Variants in CNTLN observed in about 807,000 individuals in gnomAD.
CNTLN encodes the protein centlein, also known as centlein, centrosomal protein.
Under a neutral mutation model 180.0 loss-of-function variants are expected in CNTLN, and 212 were observed. The observed-to-expected ratio is 1.18, with a 90% CI of 1.05 to 1.32. CNTLN has a LOEUF of 1.32. CNTLN is among the 40% of genes most tolerant of loss of function. The pLI, the probability that CNTLN is intolerant of heterozygous loss-of-function variation, is 0.00. For missense variants in CNTLN, 2,095 were observed against 1,610.9 expected (o/e 1.30, Z -5.14); for synonymous variants, 722 against 563.1 (o/e 1.28, Z -3.99).
At chr9:17,436,436 G>A (rs1441547170) in intron 18 of CNTLN, among the ~76,000 whole-genome samples, 2 of 152,128 alleles carry the variant, frequency 1.3e-5, no homozygotes. Context: ...GTTTAATCAA[G>A]CCTCAAATAA....
At chr9:17,136,595 C>T (rs955073285) in intron 1 of CNTLN, among the ~76,000 whole-genome samples, 6 of 152,214 alleles carry the variant, frequency 3.9e-5, no homozygotes, top group Non-Finnish European at 7.3e-5. Flanking sequence ...TTCCAAAGTG[C>T]TGGGATTACA....
chr9:17,413,652 C>T (rs926582244), intron 16 of CNTLN, among the ~76,000 whole-genome samples: 15 of 152,036 alleles, frequency 9.9e-5, no homozygotes, highest in Non-Finnish European at 7.4e-5. Flanking sequence ...GGCAAATAAG[C>T]ACATATAAAG....
At chr9:17,267,868 G>C (rs1827605444) in intron 5 of CNTLN, among the ~76,000 whole-genome samples, 2 of 152,096 alleles carry the variant, frequency 1.3e-5, no homozygotes, top group Non-Finnish European at 2.9e-5. Flanking sequence ...TAGCTCTTGT[G>C]CCTTGGTTTT....
intron 12 of CNTLN, among the ~76,000 whole-genome samples, chr9:17,356,288 A>G (rs1290940708): frequency 6.6e-6 from 1 of 152,208 alleles, no homozygotes; most frequent in South Asian, 2.1e-4. Context: ...AATCAAGCAC[A>G]AGAAACTCAT....
At chr9:17,144,817 AT>A (rs1320649144) in intron 2 of CNTLN, among the ~76,000 whole-genome samples, 5 of 148,674 alleles carry the variant, frequency 3.4e-5, no homozygotes, top group Admixed American at 2.0e-4. Context: ...TTATTTATTT[AT>A]TTTATTTTAT....
rs142650211 is a variant in CNTLN at position 17,307,190 on chromosome 9, T to G, written c.1147-1868T>G. Among the ~76,000 whole-genome samples, 996 of 152,344 alleles carry G rather than the reference T, an allele frequency of 6.5e-3. 4 individuals are homozygous for G. The highest frequency in any genetic ancestry group is 0.018 in the East Asian group (94 of 5,188). ...TTTTTATAAATCATATAGGCAATACTTTCTTTTAAAAGATTGCCTAGACTT... is the reference window on the plus strand; with the variant it reads ...TTTTTATAAATCATATAGGCAATACGTTCTTTTAAAAGATTGCCTAGACTT... On this transcript the variant is annotated intron_variant, in intron 7 of 25. Coordinates refer to ENST00000380647, the MANE Select transcript of CNTLN (RefSeq NM_017738.4).
intron 7 of CNTLN, chr9:17,301,097 A>T (rs1202617828): frequency 3.6e-5 from 35 of 985,320 alleles, no homozygotes; most frequent in Non-Finnish European, 4.1e-5. Flanking sequence ...TGATGGTGTC[A>T]TACCAGTAAT....
intron 5 of CNTLN, among the ~76,000 whole-genome samples, chr9:17,241,623 A>G (rs1190104704): frequency 7.0e-6 from 1 of 142,652 alleles, no homozygotes; most frequent in Non-Finnish European, 1.5e-5. Flanking sequence ...ATTGCATAGA[A>G]TCTGTAATGG....
At chr9:17,494,690 G>T (rs1833352203) in intron 25 of CNTLN, among the ~76,000 whole-genome samples, 1 of 152,036 alleles carries the variant, frequency 6.6e-6, no homozygotes, top group Non-Finnish European at 1.5e-5. Context: ...TTATCCACAA[G>T]TGACACTGTA....
intron 16 of CNTLN, among the ~76,000 whole-genome samples, chr9:17,411,923 T>G (rs1827876190): frequency 6.6e-6 from 1 of 152,148 alleles, no homozygotes; most frequent in Admixed American, 6.5e-5. Context: ...TCCACCTCCA[T>G]TCAGCATTGA....
At chr9:17,396,523 ATT>A (rs1554710635) in intron 15 of CNTLN, among the ~76,000 whole-genome samples, 1 of 151,992 alleles carries the variant, frequency 6.6e-6, no homozygotes, top group Non-Finnish European at 1.5e-5. Flanking sequence ...CTAGTTTTTT[ATT>A]TTGTTTTGTT....
At chr9:17,349,599 A>C (rs1822194466) in intron 12 of CNTLN, among the ~76,000 whole-genome samples, 1 of 152,300 alleles carries the variant, frequency 6.6e-6, no homozygotes, top group African/African-American at 2.4e-5. Context: ...TCTACCATTG[A>C]GTATGGTCGG....
rs567172713 is a variant in CNTLN at position 17,224,612 on chromosome 9, C to G, written c.450-1591C>G. On this transcript the variant is annotated intron_variant, in intron 2 of 25. Transcript: ENST00000380647. The stretch of plus-strand genomic sequence containing the variant: ...TATTACTATCCCTTATTTCACTAAT[C>G]TCTTTTTGTGTCTAGTTTTGAGCTT... 2.0e-5 allele frequency among the ~76,000 whole-genome samples: 3 copies of G among 152,020 alleles called. No homozygotes were observed. In the East Asian group the frequency reaches 5.8e-4, roughly 29 times the overall value.
intron 19 of CNTLN, among the ~76,000 whole-genome samples, chr9:17,462,655 A>C (rs1241061280): frequency 6.6e-6 from 1 of 151,672 alleles, no homozygotes; most frequent in East Asian, 1.9e-4. Context: ...ATTTCCTGTA[A>C]ATGTATTTTG....
chr9:17,312,697 C>T (rs1819282670), intron 8 of CNTLN, among the ~76,000 whole-genome samples: 1 of 151,874 alleles, frequency 6.6e-6, no homozygotes. Flanking sequence ...GCCACCACGC[C>T]AGCCTGTATT....
At chr9:17,156,649 G>A (rs1819312997) in intron 2 of CNTLN, among the ~76,000 whole-genome samples, 1 of 151,872 alleles carries the variant, frequency 6.6e-6, no homozygotes, top group African/African-American at 2.4e-5. Context: ...TGATATTTTG[G>A]CAAAAATAAT....
At chr9:17,310,035 A>T (rs771990567) in intron 8 of CNTLN, among the ~76,000 whole-genome samples, 65 of 152,264 alleles carry the variant, frequency 4.3e-4, no homozygotes, top group Non-Finnish European at 7.8e-4. Context: ...GACTTCAGGC[A>T]TACAATATTG....
At chr9:17,271,287 A>G (rs555190059) in intron 5 of CNTLN, among the ~76,000 whole-genome samples, 17 of 152,218 alleles carry the variant, frequency 1.1e-4, no homozygotes, top group African/African-American at 4.1e-4. Context: ...GGGGCGCACC[A>G]TAAATCATGC....
At chr9:17,175,916 A>T (rs549480267) in intron 2 of CNTLN, among the ~76,000 whole-genome samples, 53 of 152,202 alleles carry the variant, frequency 3.5e-4, no homozygotes, top group African/African-American at 1.3e-3. Flanking sequence ...CCGTGTTTGC[A>T]TTACTAATAT....
Sources: gnomAD v4.1 joint callset for allele counts (sites outside exome capture counted in the v4.1 genomes callset) on GRCh38, gnomAD v4.1.1 for gene constraint, MANE v1.5 for transcripts, NCBI Gene and HGNC (gene_info 2026-07-23, HGNC 2026-07-21) for gene names.